Variants in COL21A1 observed in about 807,000 individuals in gnomAD.
The protein encoded by COL21A1 is collagen alpha-1(XXI) chain.
COL21A1 carries 149 observed loss-of-function variants against 137.9 expected under a neutral mutation model. The ratio of observed to expected loss-of-function variants is 1.08; its 90% CI spans 0.95 to 1.24. COL21A1 has a LOEUF of 1.24. Among genes scored for constraint, COL21A1 ranks in the 50% most tolerant of loss-of-function variants. COL21A1 has a pLI of 0.00. For missense variants in COL21A1, 1,167 were observed against 1,158.4 expected (o/e 1.01, Z -0.11); for synonymous variants, 456 against 391.5 (o/e 1.16, Z -1.95).
intron 1 of COL21A1, among the ~76,000 whole-genome samples, chr6:56,295,233 C>T (rs540699794): frequency 1.3e-5 from 2 of 151,680 alleles, no homozygotes; most frequent in Non-Finnish European, 2.9e-5. Flanking sequence ...TGCCTTTGTC[C>T]TTCGTCAAAG....
At chr6:56,333,047 A>G (rs1011554940) in intron 1 of COL21A1, among the ~76,000 whole-genome samples, 1 of 152,010 alleles carries the variant, frequency 6.6e-6, no homozygotes, top group Non-Finnish European at 1.5e-5. Context: ...TCCTGCACTT[A>G]TGCTTCAGAA....
At chr6:56,179,451 G>T (rs1356359360) in intron 3 of COL21A1, 127 bp downstream of exon 3, 2 of 685,714 alleles carry the variant, frequency 2.9e-6, no homozygotes, top group Admixed American at 3.2e-5. Context: ...CATTATAAAT[G>T]TTGTAACATT....
chr6:56,109,994 T>G (rs532553768), intron 16 of COL21A1, among the ~76,000 whole-genome samples: 1 of 152,154 alleles, frequency 6.6e-6, no homozygotes, highest in East Asian at 1.9e-4. Context: ...AAAGCCAGTA[T>G]TGTTTTGATA....
intron 1 of COL21A1, among the ~76,000 whole-genome samples, chr6:56,263,425 A>T (rs1763327640): frequency 6.6e-6 from 1 of 152,062 alleles, no homozygotes; most frequent in Non-Finnish European, 1.5e-5. Context: ...GTATTGAAAT[A>T]CTCTATGGAG....
At chr6:56,120,626 T>TAAA (rs1772375294) in intron 16 of COL21A1, among the ~76,000 whole-genome samples, 1 of 151,878 alleles carries the variant, frequency 6.6e-6, no homozygotes, top group African/African-American at 2.4e-5. Flanking sequence ...CCGAAATGTC[T>TAAA]CTACTAAAAA....
chr6:56,222,103 T>C (rs1287907904), intron 1 of COL21A1, among the ~76,000 whole-genome samples: 1 of 151,926 alleles, frequency 6.6e-6, no homozygotes, highest in Non-Finnish European at 1.5e-5. Context: ...TGAAACCCCA[T>C]CTCTACTAAA....
chr6:56,109,422 A>G (rs889160117), intron 16 of COL21A1, among the ~76,000 whole-genome samples: 2 of 151,862 alleles, frequency 1.3e-5, no homozygotes, highest in Non-Finnish European at 3.0e-5. Context: ...GAACTTGCAC[A>G]ATTTTATACA....
chr6:56,134,220 T>G (rs1425272475), intron 12 of COL21A1, among the ~76,000 whole-genome samples: 5 of 152,206 alleles, frequency 3.3e-5, no homozygotes, highest in Non-Finnish European at 7.3e-5. Context: ...GGAACCCCCT[T>G]CTTGCATCAG....
intron 1 of COL21A1, among the ~76,000 whole-genome samples, chr6:56,324,565 G>T (rs1764953899): frequency 6.6e-6 from 1 of 152,030 alleles, no homozygotes; most frequent in Non-Finnish European, 1.5e-5. Flanking sequence ...ATGAGGTGGA[G>T]TAGGGTCCTG....
At chr6:56,207,748 T>C (rs9475632) in intron 1 of COL21A1, among the ~76,000 whole-genome samples, 3,319 of 151,926 alleles carry the variant, frequency 0.022, 121 homozygotes, top group African/African-American at 0.076. Flanking sequence ...AAATTTCAGG[T>C]AAATATCCCT....
intron 9 of COL21A1, among the ~76,000 whole-genome samples, chr6:56,161,202 T>C (rs562943209): frequency 2.0e-5 from 3 of 152,124 alleles, no homozygotes; most frequent in African/African-American, 7.2e-5. Context: ...ATGGCTATAG[T>C]AAAATGGTAT....
chr6:56,188,349 T>C (rs1402249331), intron 1 of COL21A1, among the ~76,000 whole-genome samples: 1 of 152,206 alleles, frequency 6.6e-6, no homozygotes, highest in Admixed American at 6.5e-5. Context: ...GTTTTATTCA[T>C]AATAATTCCA....
chr6:56,305,098 C>T (rs1436620972), intron 1 of COL21A1, among the ~76,000 whole-genome samples: 1 of 152,180 alleles, frequency 6.6e-6, no homozygotes, highest in Non-Finnish European at 1.5e-5. Context: ...GTCTGAGAGA[C>T]AGTTTGTTAC....
chr6:56,387,835 C>T (rs377608001), intron 1 of COL21A1, among the ~76,000 whole-genome samples: 2 of 152,168 alleles, frequency 1.3e-5, no homozygotes, highest in Non-Finnish European at 2.9e-5. Flanking sequence ...ATTTGAGTGG[C>T]AGTCAGGCCA....
chr6:56,147,877 G>A (rs758234532), intron 10 of COL21A1, among the ~76,000 whole-genome samples: 1 of 152,122 alleles, frequency 6.6e-6, no homozygotes, highest in African/African-American at 2.4e-5. Context: ...GCAAGCCTGA[G>A]AGCTAGTTTT....
At chr6:56,153,065 A>C (rs537537752) in intron 10 of COL21A1, among the ~76,000 whole-genome samples, 1 of 152,350 alleles carries the variant, frequency 6.6e-6, no homozygotes, top group Non-Finnish European at 1.5e-5. Context: ...AAGTCATATG[A>C]CATCTTAAGT....
At chr6:56,180,485 GAAT>G (rs1777813520) in intron 2 of COL21A1, among the ~76,000 whole-genome samples, 1 of 152,172 alleles carries the variant, frequency 6.6e-6, no homozygotes, top group Non-Finnish European at 1.5e-5. Context: ...CATATTCAGT[GAAT>G]AATGTCAGAG....
At chr6:56,149,823 C>A (rs139768581) in intron 10 of COL21A1, among the ~76,000 whole-genome samples, 107 of 152,332 alleles carry the variant, frequency 7.0e-4, no homozygotes, top group Non-Finnish European at 1.4e-3. Flanking sequence ...TGGATTGTTA[C>A]AAGAGCCTCC....
intron 10 of COL21A1, among the ~76,000 whole-genome samples, chr6:56,149,784 T>C (rs544945737): frequency 5.2e-4 from 79 of 152,310 alleles, no homozygotes; most frequent in African/African-American, 1.9e-3. Flanking sequence ...CCACTATCAC[T>C]CTGACCCTAG....
Sources: gnomAD v4.1 joint callset for allele counts (sites outside exome capture counted in the v4.1 genomes callset) on GRCh38, gnomAD v4.1.1 for gene constraint, MANE v1.5 for transcripts, NCBI Gene and HGNC (gene_info 2026-07-23, HGNC 2026-07-21) for gene names.